KCNJ6: variants seen among roughly 807,000 people sequenced by gnomAD.
The protein encoded by KCNJ6 is G protein-activated inward rectifier potassium channel 2.
Under a neutral mutation model 34.2 loss-of-function variants are expected in KCNJ6, and 9 were observed. The ratio of observed to expected loss-of-function variants is 0.26; its 90% CI spans 0.16 to 0.46. KCNJ6 has a LOEUF of 0.46. Ranked by LOEUF, KCNJ6 falls within the 20% of genes least tolerant of loss-of-function variation. The pLI is 1.00. For synonymous variants in KCNJ6, 196 were observed against 207.1 expected, an observed-to-expected ratio of 0.95 and a Z score of 0.46; for missense variants, 236 against 531.3, an observed-to-expected ratio of 0.44 and a Z score of 5.46.
intron 2 of KCNJ6, among the ~76,000 whole-genome samples, chr21:37,736,366 C>T (rs1181985393): frequency 6.6e-6 from 1 of 152,146 alleles, no homozygotes; most frequent in Non-Finnish European, 1.5e-5. Context: ...AGTTGGGAGT[C>T]ACTGCTTTAT....
At chr21:37,673,622 G>T (rs1198492666) in intron 3 of KCNJ6, among the ~76,000 whole-genome samples, 1 of 152,226 alleles carries the variant, frequency 6.6e-6, no homozygotes, top group African/African-American at 2.4e-5. Flanking sequence ...GGGACACAGG[G>T]ATGAGACAGA....
chr21:37,691,217 G>T (rs1357234304), intron 3 of KCNJ6, among the ~76,000 whole-genome samples: 1 of 152,226 alleles, frequency 6.6e-6, no homozygotes, highest in Non-Finnish European at 1.5e-5. Context: ...AGGGCAGATG[G>T]CCAGGTATGG....
chr21:37,739,809 T>C (rs910722500), intron 2 of KCNJ6, among the ~76,000 whole-genome samples: 2 of 151,826 alleles, frequency 1.3e-5, no homozygotes, highest in Admixed American at 6.6e-5. Context: ...CATTTACAAA[T>C]GGGAAAAGTG....
rs888130458 is a variant in KCNJ6, at chr21:37,619,103, A to T, written c.*6056T>A. ...TCCTTTATCTGTCGACAATATAACA[A>T]CATCACAATGATTTGTTACATTGTT... On this transcript the variant is annotated 3_prime_UTR_variant, in exon 4 of 4. Transcript: ENST00000609713. 7.2e-5 allele frequency: 11 copies of T among 152,222 alleles called. No homozygotes were observed. The highest frequency in any genetic ancestry group is 2.6e-4 in the Admixed American group (4 of 15,282). 9.4% of individuals were successfully genotyped at this position (152,222 alleles called of 1,614,324 possible).
At chr21:37,791,099 T>G (rs772999464) in intron 2 of KCNJ6, among the ~76,000 whole-genome samples, 26 of 152,212 alleles carry the variant, frequency 1.7e-4, no homozygotes, top group Non-Finnish European at 2.4e-4. Context: ...ACATTGGCCC[T>G]GGGAGGGACC....
At chr21:37,667,629 GGGGTAGCAGGTCCAGGGTAGCAGGCGCC>G (rs1296881754) in intron 3 of KCNJ6, among the ~76,000 whole-genome samples, 1 of 79,796 alleles carries the variant, frequency 1.3e-5, no homozygotes, top group Non-Finnish European at 3.4e-5. Context: ...AGCAGGCACC[GGGGTAGCAGGTCCAGGGTAGCAGGCGCC>G]GGGTAGCAGG....
intron 1 of KCNJ6, among the ~76,000 whole-genome samples, chr21:37,857,591 AC>A (rs1300566752): frequency 1.3e-5 from 2 of 152,120 alleles, no homozygotes; most frequent in African/African-American, 4.8e-5. Context: ...TAAGGACTAA[AC>A]CTCTGACAAA....
intron 1 of KCNJ6, among the ~76,000 whole-genome samples, chr21:37,883,468 A>G (rs1488904733): frequency 6.6e-6 from 1 of 152,152 alleles, no homozygotes; most frequent in African/African-American, 2.4e-5. Flanking sequence ...ACTAGCATGC[A>G]TGCTTCATGT....
chr21:37,666,242 C>T (rs1356686291), intron 3 of KCNJ6, among the ~76,000 whole-genome samples: 1 of 152,146 alleles, frequency 6.6e-6, no homozygotes, highest in Non-Finnish European at 1.5e-5. Flanking sequence ...CCCAAGAACC[C>T]CTAGTTCTGG....
intron 2 of KCNJ6, among the ~76,000 whole-genome samples, chr21:37,761,208 TGTG>T (rs926240738): frequency 2.7e-5 from 4 of 146,076 alleles, no homozygotes; most frequent in Non-Finnish European, 4.5e-5. Context: ...GTGTATGTAT[TGTG>T]TGTGTGTGTG....
chr21:37,734,961 G>A (rs1350859504), intron 2 of KCNJ6, among the ~76,000 whole-genome samples: 3 of 152,248 alleles, frequency 2.0e-5, no homozygotes, highest in South Asian at 2.1e-4. Context: ...TGACAGGAAC[G>A]TTGGAGATGG....
At chr21:37,766,707 A>AC (rs2055093089) in intron 2 of KCNJ6, among the ~76,000 whole-genome samples, 1 of 152,152 alleles carries the variant, frequency 6.6e-6, no homozygotes, top group Non-Finnish European at 1.5e-5. Flanking sequence ...AATCTAGACC[A>AC]GGGGTCCCCA....
At chr21:37,711,435 G>A (rs568467265) in intron 3 of KCNJ6, among the ~76,000 whole-genome samples, 10 of 152,338 alleles carry the variant, frequency 6.6e-5, no homozygotes, top group East Asian at 1.9e-4. Context: ...GGTCAACTGC[G>A]ACATTGTTGA....
chr21:37,734,279 G>A (rs916706112), intron 2 of KCNJ6, among the ~76,000 whole-genome samples: 1 of 152,182 alleles, frequency 6.6e-6, no homozygotes, highest in South Asian at 2.1e-4. Flanking sequence ...ATGCTCCCAC[G>A]GGGGAGGAAT....
intron 1 of KCNJ6, among the ~76,000 whole-genome samples, chr21:37,898,844 G>C (rs1056800437): frequency 2.6e-5 from 4 of 152,138 alleles, no homozygotes; most frequent in Non-Finnish European, 5.9e-5. Context: ...TTAAAAGGGA[G>C]GCATAGCCAG....
rs1430185515 is a variant in KCNJ6 at position 37,617,048 on chromosome 21, C to CTTTCTTTCTTTCT, written c.*8110_*8111insAGAAAGAAAGAAA. ...TCTTTCTTTCTTTCTTTCTTTCTTTCTTTCTTTTCTTTTCTTTTCTTTTCT... is the reference window on the plus strand; with the variant it reads ...TCTTTCTTTCTTTCTTTCTTTCTTTCTTTCTTTCTTTCTTTTCTTTTCTTTTCTTTTCTTTTCT... On this transcript the variant is annotated 3_prime_UTR_variant, in exon 4 of 4. Transcript: ENST00000609713. 2.8e-3 allele frequency: 198 copies of CTTTCTTTCTTTCT among 70,134 alleles called. No homozygotes were observed. The highest frequency in any genetic ancestry group is 9.4e-3 in the African/African-American group (185 of 19,674). 4.3% of individuals were successfully genotyped at this position (70,134 alleles called of 1,614,324 possible).
At chr21:37,632,639 A>G (rs572340859) in intron 3 of KCNJ6, among the ~76,000 whole-genome samples, 1 of 152,348 alleles carries the variant, frequency 6.6e-6, no homozygotes, top group East Asian at 1.9e-4. Context: ...TAAAAGGTGT[A>G]GAAGGCAAAA....
intron 2 of KCNJ6, among the ~76,000 whole-genome samples, chr21:37,736,824 T>C (rs1042158239): frequency 1.3e-5 from 2 of 152,198 alleles, no homozygotes; most frequent in South Asian, 4.1e-4. Context: ...TAATACCTGG[T>C]GACTGTGATG....
intron 2 of KCNJ6, among the ~76,000 whole-genome samples, chr21:37,757,601 C>T (rs887214394): frequency 4.4e-4 from 66 of 148,802 alleles, no homozygotes; most frequent in African/African-American, 1.5e-3. Context: ...GATTCCAGCC[C>T]GGAGTGAGCA....
Sources: gnomAD v4.1 joint callset for allele counts (sites outside exome capture counted in the v4.1 genomes callset) on GRCh38, gnomAD v4.1.1 for gene constraint, MANE v1.5 for transcripts, NCBI Gene and HGNC (gene_info 2026-07-23, HGNC 2026-07-21) for gene names.